ARHGEF3: variants seen among roughly 807,000 people sequenced by gnomAD.
ARHGEF3 encodes Rho guanine nucleotide exchange factor 3.
A neutral mutation model predicts 63.2 loss-of-function variants in ARHGEF3; 28 were observed. That is an observed-to-expected ratio of 0.44 (90% CI 0.33 to 0.61). The LOEUF is 0.61. ARHGEF3 is among the 20% of genes least tolerant of loss of function. The probability of loss-of-function intolerance (pLI) is 0.03; values close to 1 mark genes in which losing one functional copy is unlikely to be tolerated. For synonymous variants in ARHGEF3, 266 were observed against 254.2 expected (o/e 1.05, Z -0.44); for missense variants, 533 against 659.3 (o/e 0.81, Z 2.10).
rs916713412 is a variant in ARHGEF3, at chr3:56,727,962, A to G, written c.*1308T>C. The G allele has an allele frequency of 2.0e-5, 3 of 152,600 alleles. No individual in the cohort carries two copies. Among genetic ancestry groups the G allele is most frequent in the African/African-American group, 7.2e-5 (3 of 41,432 alleles). 9.5% of individuals were successfully genotyped at this position (152,600 alleles called of 1,614,324 possible). ...GATTAAAAAAAACTTTTTGGCAATA[A>G]TTTAGAATAATTACCACTAGTGCTG... On this transcript the variant is annotated 3_prime_UTR_variant, in exon 10 of 10. Transcript: ENST00000296315.
chr3:56,893,389 G>A (rs1397844538), intron 3 of ARHGEF3, among the ~76,000 whole-genome samples: 28 of 152,106 alleles, frequency 1.8e-4, no homozygotes, highest in Admixed American at 1.8e-3. Flanking sequence ...TTGTTGCCTA[G>A]GCTAGTCTTG....
In ARHGEF3 at chr3:57,004,307, C is replaced by T. The variant is rs189511722; in HGVS notation, c.62+30781G>A. 1.5e-3 allele frequency among the ~76,000 whole-genome samples: 231 copies of T among 152,328 alleles called. 2 individuals carry two copies. Among genetic ancestry groups the T allele is most frequent in the South Asian group, 0.011 (54 of 4,818 alleles). ...CAGTGGATTCATTTTCTAATAGATCCGCCCTGATAACGTGTCCACATTTGC... is the reference window on the plus strand; with the variant it reads ...CAGTGGATTCATTTTCTAATAGATCTGCCCTGATAACGTGTCCACATTTGC... On this transcript the variant is annotated intron_variant, in intron 2 of 12. Transcript: ENST00000338458.
intron 4 of ARHGEF3, among the ~76,000 whole-genome samples, chr3:56,826,163 G>A (rs1244234408): frequency 6.6e-6 from 1 of 152,208 alleles, no homozygotes; most frequent in East Asian, 1.9e-4. Context: ...TGAAAGCTGA[G>A]AAGTGAGGAG....
intron 1 of ARHGEF3, among the ~76,000 whole-genome samples, chr3:57,037,584 C>T (rs1328202777): frequency 6.6e-6 from 1 of 152,176 alleles, no homozygotes; most frequent in African/African-American, 2.4e-5. Context: ...AATAAACCAT[C>T]ACCCTTTAGG....
intron 4 of ARHGEF3, among the ~76,000 whole-genome samples, chr3:56,871,139 C>T (rs1485689020): frequency 2.6e-5 from 4 of 151,972 alleles, no homozygotes; most frequent in African/African-American, 9.7e-5. Context: ...TCTATCTCTG[C>T]TGTTTGATTT....
In ARHGEF3 at chr3:56,745,384, C is replaced by G. The variant is rs1448498487; in HGVS notation, c.691G>C (p.Asp231His). 6.2e-7 allele frequency: 1 copy of G among 1,613,888 alleles called. No homozygotes were observed. The highest frequency in any genetic ancestry group is 8.5e-7 in the Non-Finnish European group (1 of 1,180,032). ...AKALLDHKKQ[D>H]HRVQDFLQRC... The stretch of plus-strand genomic sequence containing the variant: ...TGTAGGAAATCCTGGACTCGGTGAT[C>G]TTGCTTTTTGTGGTCCAGCAGAGCT... Residue 231 changes from aspartate (D) to histidine (H), a missense_variant, in exon 7 of 10, where the codon GAT becomes CAT. Asp to His is a moderately conservative substitution (Grantham distance 81, BLOSUM62 -1). Coordinates refer to ENST00000296315, the MANE Select transcript of ARHGEF3 (RefSeq NM_019555.3).
intron 1 of ARHGEF3, among the ~76,000 whole-genome samples, chr3:57,038,383 G>A (rs1053287107): frequency 1.3e-5 from 2 of 152,100 alleles, no homozygotes; most frequent in Admixed American, 6.6e-5. Flanking sequence ...TGATACTCTC[G>A]GATCCCTCTC....
chr3:56,818,991 G>A (rs188305929), intron 4 of ARHGEF3, among the ~76,000 whole-genome samples: 159 of 152,230 alleles, frequency 1.0e-3, no homozygotes, highest in African/African-American at 3.7e-3. Context: ...TACATCCTCT[G>A]TCTGAGCTGC....
chr3:56,819,836 T>C (rs2038408113), intron 4 of ARHGEF3, among the ~76,000 whole-genome samples: 1 of 150,594 alleles, frequency 6.6e-6, no homozygotes, highest in Non-Finnish European at 1.5e-5. Context: ...TTTTTTTTTT[T>C]TCTCATTTTG....
At chr3:56,953,230 A>C (rs2106702555) in intron 3 of ARHGEF3, among the ~76,000 whole-genome samples, 1 of 152,314 alleles carries the variant, frequency 6.6e-6, no homozygotes, top group South Asian at 2.1e-4. Context: ...GTGTGTTGTG[A>C]GCATTAGAGA....
chr3:56,777,240 G>A (rs2036326696), intron 1 of ARHGEF3, among the ~76,000 whole-genome samples: 1 of 151,772 alleles, frequency 6.6e-6, no homozygotes, highest in Admixed American at 6.6e-5. Flanking sequence ...AATTGGCAGT[G>A]GCTTTTATCA....
intron 2 of ARHGEF3, among the ~76,000 whole-genome samples, chr3:57,027,132 C>T (rs925706664): frequency 2.0e-5 from 3 of 152,140 alleles, no homozygotes; most frequent in Non-Finnish European, 4.4e-5. Context: ...GGCCAGATGC[C>T]CAGTGACAGA....
At chr3:56,779,565 T>C (rs916867818) in intron 1 of ARHGEF3, among the ~76,000 whole-genome samples, 2 of 152,188 alleles carry the variant, frequency 1.3e-5, no homozygotes, top group Non-Finnish European at 2.9e-5. Flanking sequence ...CCATCTTGGC[T>C]CACTGCAAGC....
rs1349166099 is a variant in ARHGEF3, at chr3:56,967,910, TATATA to T, written c.63-9026_63-9022del. Among the ~76,000 whole-genome samples the T allele has an allele frequency of 3.9e-3, 275 of 70,478 alleles. 3 individuals carry two copies. The highest frequency in any genetic ancestry group is 0.014 in the African/African-American group (254 of 17,762). 46.2% of individuals were successfully genotyped at this position (70,478 alleles called of 152,430 possible). On this transcript the variant is annotated intron_variant, in intron 2 of 12. Coordinates refer to the ARHGEF3 transcript ENST00000338458. The stretch of plus-strand genomic sequence containing the variant: ...TATATAATATATAAATAATATATTA[TATATA>T]ATATATTATATATAATATAAAATAT...
intron 3 of ARHGEF3, among the ~76,000 whole-genome samples, chr3:56,908,954 C>T (rs1208590167): frequency 6.6e-6 from 1 of 152,140 alleles, no homozygotes; most frequent in Non-Finnish European, 1.5e-5. Flanking sequence ...ACGCTATGCA[C>T]ATGCAAACAA....
chr3:57,070,904 C>A (rs547134854), intron 1 of ARHGEF3, among the ~76,000 whole-genome samples: 1 of 146,172 alleles, frequency 6.8e-6, no homozygotes, highest in Non-Finnish European at 1.5e-5. Flanking sequence ...CCCAGGAGGT[C>A]GAGGCTACAG....
intron 1 of ARHGEF3, among the ~76,000 whole-genome samples, chr3:57,048,437 A>G (rs1263694190): frequency 6.6e-6 from 1 of 152,202 alleles, no homozygotes; most frequent in Non-Finnish European, 1.5e-5. Flanking sequence ...CAAGAGCAAG[A>G]CTACAACTTC....
At chr3:56,986,701 G>T (rs1701553197) in intron 2 of ARHGEF3, among the ~76,000 whole-genome samples, 1 of 152,040 alleles carries the variant, frequency 6.6e-6, no homozygotes, top group South Asian at 2.1e-4. Context: ...CAGATGGCTG[G>T]TCACCTCGAA....
At chr3:57,021,811 A>C (rs1305161334) in intron 2 of ARHGEF3, among the ~76,000 whole-genome samples, 1 of 152,134 alleles carries the variant, frequency 6.6e-6, no homozygotes, top group East Asian at 1.9e-4. Flanking sequence ...AGACAAAAAA[A>C]GTCATACTGA....
Sources: gnomAD v4.1 joint callset for allele counts (sites outside exome capture counted in the v4.1 genomes callset) on GRCh38, gnomAD v4.1.1 for gene constraint, MANE v1.5 for transcripts, NCBI Gene and HGNC (gene_info 2026-07-23, HGNC 2026-07-21) for gene names.